The following ATP11A variants were observed in gnomAD, a reference collection of about 807,000 sequenced individuals.
ATP11A encodes phospholipid-transporting ATPase IH.
Under a neutral mutation model 154.4 loss-of-function variants are expected in ATP11A, and 81 were observed. The observed-to-expected ratio is 0.52, with a 90% CI of 0.44 to 0.63. The LOEUF is 0.63. Ranked by LOEUF, ATP11A falls within the 30% of genes least tolerant of loss-of-function variation. The probability of loss-of-function intolerance (pLI) is 0.00; values close to 1 mark genes in which losing one functional copy is unlikely to be tolerated. For missense variants in ATP11A, 1,316 were observed against 1,474.3 expected (o/e 0.89, Z 1.76); for synonymous variants, 623 against 585.9 (o/e 1.06, Z -0.91).
chr13:112,757,347 C>G (rs2076864930), intron 1 of ATP11A, among the ~76,000 whole-genome samples: 1 of 152,260 alleles, frequency 6.6e-6, no homozygotes, highest in Non-Finnish European at 1.5e-5. Context: ...TTTCACGCAG[C>G]TTTTTCTAGA....
intron 2 of ATP11A, among the ~76,000 whole-genome samples, chr13:112,792,605 C>T (rs369201990): frequency 6.6e-6 from 1 of 152,128 alleles, no homozygotes; most frequent in East Asian, 1.9e-4. Flanking sequence ...ATCTGTTTGA[C>T]GGAAGTGCAG....
In ATP11A at chr13:112,875,495, T is replaced by G. The variant is rs1237929796; in HGVS notation, c.3162-281T>G. ...ATCCCTTTGTGTTTTGTTTTTTGTTTTTTTTTTTTTTGCTTCTGTGAAACT... is the reference window on the plus strand; with the variant it reads ...ATCCCTTTGTGTTTTGTTTTTTGTTGTTTTTTTTTTTGCTTCTGTGAAACT... On this transcript the variant is annotated intron_variant, in intron 27 of 29. Transcript: ENST00000375645. The surrounding 1 kb of genome is among the most constrained non-coding windows in gnomAD (Gnocchi z 4.1). Among the ~76,000 whole-genome samples, 10 of 48,722 alleles carry G rather than the reference T, an allele frequency of 2.1e-4. No individual in the cohort carries two copies. The highest frequency in any genetic ancestry group is 1.3e-3 in the Admixed American group (7 of 5,316). 32.0% of individuals were successfully genotyped at this position (48,722 alleles called of 152,430 possible).
intron 28 of ATP11A, among the ~76,000 whole-genome samples, chr13:112,877,263 T>G (rs2080757396): frequency 6.6e-6 from 1 of 152,174 alleles, no homozygotes. Context: ...CGGCCCCCAG[T>G]GCTTCAGGGG....
At chr13:112,705,937 T>C (rs1382021293) in intron 1 of ATP11A, among the ~76,000 whole-genome samples, 2 of 152,218 alleles carry the variant, frequency 1.3e-5, no homozygotes, top group African/African-American at 2.4e-5. Context: ...AGCGTACAGT[T>C]CCATGGCGTT....
At position 112,873,564 on chromosome 13, in the gene ATP11A, TC is replaced by T. The variant is rs2080614848; in HGVS notation, c.3058-7del. On this transcript the variant is annotated splice_polypyrimidine_tract_variant and splice_region_variant and intron_variant, in intron 26 of 29. Coordinates refer to ENST00000375645, the MANE Select transcript of ATP11A (RefSeq NM_015205.3). ...ACACCGTTAACTGCCCTTTTTTTTT[TC>T]CTTTTAGCTTGCATTGGACACACAC... The T allele has an allele frequency of 6.3e-7, 1 of 1,583,336 alleles. No homozygotes were observed. Among genetic ancestry groups the T allele is most frequent in the Admixed American group, 1.9e-5 (1 of 53,122 alleles).
chr13:112,715,447 C>CTCCCCACACCTGGCCCACT (rs1594388771), intron 1 of ATP11A, among the ~76,000 whole-genome samples: 1 of 11,052 alleles, frequency 9.0e-5, no homozygotes, highest in Non-Finnish European at 4.2e-4. Context: ...CCTGGCCCAC[C>CTCCCCACACCTGGCCCACT]TCCCCACACC....
Position 112,825,442 on chromosome 13 carries a change from G to C in ATP11A, c.885G>C (p.Ala295=). The C allele has an allele frequency of 6.2e-7, 1 of 1,611,262 alleles. No homozygotes were observed. The highest frequency in any genetic ancestry group is 8.5e-7 in the Non-Finnish European group (1 of 1,178,794). Residue 295 remains alanine (A), a synonymous_variant, in exon 11 of 30, where the codon GCG becomes GCC. Transcript: ENST00000375645. ...KRSAVEKSMN[A]FLIVYLCILI... ...CCTTTTGTTTTAGATCGATGAATGC[G>C]TTCCTCATTGTGTATCTCTGCATTC...
At chr13:112,779,823 T>G (rs2077454545) in intron 1 of ATP11A, among the ~76,000 whole-genome samples, 1 of 152,068 alleles carries the variant, frequency 6.6e-6, no homozygotes, top group Admixed American at 6.6e-5. Flanking sequence ...GAGAATTGCT[T>G]AAACCTGGAA....
chr13:112,876,584 C>T (rs901443362), intron 28 of ATP11A, among the ~76,000 whole-genome samples: 6 of 152,214 alleles, frequency 3.9e-5, no homozygotes, highest in Non-Finnish European at 5.9e-5. Flanking sequence ...GGCCGCTGCA[C>T]CTGTCACGGT....
intron 1 of ATP11A, among the ~76,000 whole-genome samples, chr13:112,737,254 G>A (rs947616424): frequency 1.3e-5 from 2 of 152,142 alleles, no homozygotes; most frequent in Admixed American, 1.3e-4. Context: ...AGGTGGGAGG[G>A]TCCACAGTCA....
In ATP11A at chr13:112,697,820, C is replaced by T. The variant is rs1431013934; in HGVS notation, c.39+7365C>T. ...AACTCCTGACCTCAGATGATCCGCC[C>T]ACCTCTGCTTCCCAAAGTGCTGGGA... On this transcript the variant is annotated intron_variant, in intron 1 of 29. Coordinates refer to ENST00000375645, the MANE Select transcript of ATP11A (RefSeq NM_015205.3). This position sits in a 1 kb window ranked among gnomAD's most constrained non-coding sequence, Gnocchi z 4.0. Among the ~76,000 whole-genome samples, 2 of 151,204 alleles carry T rather than the reference C, an allele frequency of 1.3e-5. No individual in the cohort carries two copies. The highest frequency in any genetic ancestry group is 4.9e-5 in the African/African-American group (2 of 41,052).
intron 1 of ATP11A, among the ~76,000 whole-genome samples, chr13:112,752,857 G>GATGCACCCACCTGGGAGT (rs2076727864): frequency 6.6e-6 from 1 of 152,170 alleles, no homozygotes; most frequent in African/African-American, 2.4e-5. Flanking sequence ...AGTCAGCCAG[G>GATGCACCCACCTGGGAGT]ATGCACCCAC....
intron 8 of ATP11A, among the ~76,000 whole-genome samples, chr13:112,821,447 A>G (rs1252786372): frequency 6.6e-6 from 1 of 151,974 alleles, no homozygotes; most frequent in East Asian, 1.9e-4. Flanking sequence ...CTGAGTAGCT[A>G]GGATTACAGG....
At chr13:112,845,230 G>A (rs570937526) in intron 17 of ATP11A, among the ~76,000 whole-genome samples, 1,250 of 69,836 alleles carry the variant, frequency 0.018, 119 homozygotes, top group African/African-American at 0.1. Flanking sequence ...TCCAGTTGCC[G>A]GGCACTAGCA....
chr13:112,877,446 G>A (rs1458631007), intron 28 of ATP11A, among the ~76,000 whole-genome samples: 1 of 152,240 alleles, frequency 6.6e-6, no homozygotes, highest in Non-Finnish European at 1.5e-5. Flanking sequence ...TGGGACACGT[G>A]TTCATAACCA....
intron 1 of ATP11A, among the ~76,000 whole-genome samples, chr13:112,772,121 G>A (rs893505491): frequency 1.3e-5 from 2 of 152,172 alleles, no homozygotes; most frequent in Non-Finnish European, 2.9e-5. Context: ...TGTTTATTAA[G>A]CAAATCACCT....
intron 23 of ATP11A, among the ~76,000 whole-genome samples, 177 bp from the exon 24 acceptor site, chr13:112,860,110 T>G (rs925633683): frequency 1.3e-5 from 2 of 152,152 alleles, no homozygotes; most frequent in African/African-American, 4.8e-5. Flanking sequence ...TTTTGCCAGC[T>G]GTGACTTTCA....
At chr13:112,824,071 G>A (rs1427997792) in intron 9 of ATP11A, among the ~76,000 whole-genome samples, 1 of 152,090 alleles carries the variant, frequency 6.6e-6, no homozygotes, top group Non-Finnish European at 1.5e-5. Flanking sequence ...GGTAGAACCT[G>A]CAGATTAAGA....
At chr13:112,700,777 C>T (rs1268375847) in intron 1 of ATP11A, among the ~76,000 whole-genome samples, 1 of 152,260 alleles carries the variant, frequency 6.6e-6, no homozygotes, top group East Asian at 1.9e-4. Context: ...CAACTCCCGC[C>T]ATGTGCCCCG....
Sources: gnomAD v4.1 joint callset for allele counts (sites outside exome capture counted in the v4.1 genomes callset) on GRCh38, gnomAD v4.1.1 for gene constraint, Gnocchi (gnomAD v3.1) non-coding constraint, MANE v1.5 for transcripts, NCBI Gene and HGNC (gene_info 2026-07-23, HGNC 2026-07-21) for gene names.